SH3KBP1: variants seen among roughly 807,000 people sequenced by gnomAD.
SH3KBP1 encodes SH3 domain containing kinase binding protein 1.
SH3KBP1 carries 8 observed loss-of-function variants against 50.1 expected under a neutral mutation model. The ratio of observed to expected loss-of-function variants is 0.16; its 90% CI spans 0.09 to 0.29. The LOEUF (loss-of-function observed/expected upper bound fraction) is 0.29. SH3KBP1 is among the 10% of genes least tolerant of loss of function. The pLI is 1.00. For missense variants in SH3KBP1, 377 were observed against 535.2 expected (o/e 0.70, Z 2.92); for synonymous variants, 227 against 218.6 (o/e 1.04, Z -0.34).
intron 1 of SH3KBP1, among the ~76,000 whole-genome samples, chrX:19,845,314 T>C (rs1426266181): frequency 9.4e-6 from 1 of 106,661 alleles, no homozygotes; most frequent in Non-Finnish European, 1.9e-5. Flanking sequence ...CTGTCTCTAC[T>C]AAAAATACAA....
intron 6 of SH3KBP1, among the ~76,000 whole-genome samples, chrX:19,668,718 T>C (rs1316898286): frequency 2.4e-4 from 23 of 96,480 alleles, no homozygotes; most frequent in East Asian, 1.4e-3. Flanking sequence ...GGCATGGTGG[T>C]GGGCGCCTGT....
chrX:19,854,415 C>T (rs191826994), intron 1 of SH3KBP1, among the ~76,000 whole-genome samples: 110 of 111,644 alleles, frequency 9.9e-4, no homozygotes, highest in African/African-American at 3.5e-3. Context: ...CACGCCCAGC[C>T]GGCAGCTATT....
chrX:19,775,627 A>G (rs1345074857), intron 2 of SH3KBP1, among the ~76,000 whole-genome samples: 1 of 111,428 alleles, frequency 9.0e-6, no homozygotes, highest in Non-Finnish European at 1.9e-5. Context: ...AAACCACACA[A>G]CTAATTAGTC....
intron 3 of SH3KBP1, among the ~76,000 whole-genome samples, chrX:19,739,014 GAAAAAAAAAAAAAA>G (rs1167676836): frequency 8.9e-5 from 2 of 22,463 alleles, no homozygotes; most frequent in South Asian, 2.4e-3. Context: ...CTGCCTCCAA[GAAAAAAAAAAAAAA>G]AAAAAAAAAA....
intron 3 of SH3KBP1, among the ~76,000 whole-genome samples, chrX:19,720,185 G>A (rs1273958148): frequency 1.8e-5 from 2 of 110,707 alleles, no homozygotes; most frequent in Non-Finnish European, 3.8e-5. Flanking sequence ...AATCAGTGAC[G>A]TCTCTAAACG....
At chrX:19,670,145 G>A (rs1335222006) in intron 6 of SH3KBP1, among the ~76,000 whole-genome samples, 1 of 110,983 alleles carries the variant, frequency 9.0e-6, no homozygotes, top group African/African-American at 3.3e-5. Flanking sequence ...AGAAAAACAA[G>A]ACCACTTATT....
At chrX:19,733,413 T>C (rs1394208794) in intron 3 of SH3KBP1, among the ~76,000 whole-genome samples, 19 of 110,289 alleles carry the variant, frequency 1.7e-4, no homozygotes, top group Non-Finnish European at 1.7e-4. Context: ...GACTTTCATA[T>C]ATATAATAAT....
intron 3 of SH3KBP1, among the ~76,000 whole-genome samples, chrX:19,726,892 T>G (rs1439825354): frequency 8.9e-6 from 1 of 111,989 alleles, no homozygotes; most frequent in East Asian, 2.8e-4. Context: ...GGTTATTAAT[T>G]TTTTACTTAT....
At chrX:19,776,809 C>T (rs1001767303) in intron 2 of SH3KBP1, among the ~76,000 whole-genome samples, 1 of 110,374 alleles carries the variant, frequency 9.1e-6, no homozygotes, top group Non-Finnish European at 1.9e-5. Context: ...CTGCCTCAGC[C>T]TCCCAAAGCA....
At chrX:19,725,513 A>C (rs2064195184) in intron 3 of SH3KBP1, among the ~76,000 whole-genome samples, 1 of 111,065 alleles carries the variant, frequency 9.0e-6, no homozygotes, top group Non-Finnish European at 1.9e-5. Flanking sequence ...ATACAGAAGC[A>C]ACAGGAGTCT....
At chrX:19,587,178 C>T (rs905575724) in intron 12 of SH3KBP1, among the ~76,000 whole-genome samples, 9 of 103,603 alleles carry the variant, frequency 8.7e-5, no homozygotes, top group Admixed American at 2.1e-4. Context: ...GCCGAGATTG[C>T]GCCATTGCAC....
At chrX:19,541,072 G>C (rs1400239187) in intron 16 of SH3KBP1, among the ~76,000 whole-genome samples, 1 of 111,019 alleles carries the variant, frequency 9.0e-6, no homozygotes, top group Non-Finnish European at 1.9e-5. Context: ...ACGCCACCAC[G>C]CCCAACTAAT....
chrX:19,782,114 G>C (rs1007589042), intron 2 of SH3KBP1, among the ~76,000 whole-genome samples: 1 of 111,544 alleles, frequency 9.0e-6, no homozygotes, highest in African/African-American at 3.3e-5. Flanking sequence ...GAGATGAAGA[G>C]ATCATTCTGG....
At chrX:19,596,348 G>A (rs1417849270) in intron 9 of SH3KBP1, among the ~76,000 whole-genome samples, 2 of 111,853 alleles carry the variant, frequency 1.8e-5, no homozygotes, top group East Asian at 2.8e-4. Flanking sequence ...AGCAATGTAC[G>A]TACCTTAATT....
intron 12 of SH3KBP1, among the ~76,000 whole-genome samples, chrX:19,572,113 A>T (rs1186635201): frequency 9.1e-6 from 1 of 109,742 alleles, no homozygotes; most frequent in East Asian, 2.8e-4. Context: ...CCTATTGTGC[A>T]TTACTATGCT....
intron 1 of SH3KBP1, among the ~76,000 whole-genome samples, chrX:19,855,488 TC>T (rs1381820788): frequency 3.6e-5 from 4 of 112,533 alleles, no homozygotes; most frequent in African/African-American, 1.3e-4. Flanking sequence ...AGTTTGCTGA[TC>T]CCTGTCTCAG....
At chrX:19,723,911 G>A (rs1448599162) in intron 3 of SH3KBP1, among the ~76,000 whole-genome samples, 1 of 111,055 alleles carries the variant, frequency 9.0e-6, no homozygotes, top group Non-Finnish European at 1.9e-5. Context: ...GAAAAGGGCA[G>A]ATTATTAAGC....
chrX:19,540,920 C>CT (rs771269101), intron 16 of SH3KBP1, among the ~76,000 whole-genome samples: 124 of 103,866 alleles, frequency 1.2e-3, no homozygotes, highest in African/African-American at 2.9e-3. Context: ...TGCCTCCCTA[C>CT]TTTTTTTTTT....
chrX:19,802,703 A>C (rs2066927163), intron 2 of SH3KBP1, among the ~76,000 whole-genome samples: 1 of 110,813 alleles, frequency 9.0e-6, no homozygotes, highest in Non-Finnish European at 1.9e-5. Context: ...CACCTGATCA[A>C]ATTCCTTCCT....
Sources: gnomAD v4.1 joint callset for allele counts (sites outside exome capture counted in the v4.1 genomes callset) on GRCh38, gnomAD v4.1.1 for gene constraint, MANE v1.5 for transcripts, NCBI Gene and HGNC (gene_info 2026-07-23, HGNC 2026-07-21) for gene names.